Variants in MSI2 observed in about 807,000 individuals in gnomAD.
The protein encoded by MSI2 is musashi RNA binding protein 2.
A neutral mutation model predicts 45.6 loss-of-function variants in MSI2; 17 were observed. The ratio of observed to expected loss-of-function variants is 0.37; its 90% CI spans 0.26 to 0.56. The LOEUF is 0.56. MSI2 is among the 20% of genes least tolerant of loss of function. The pLI is 0.77. For synonymous variants in MSI2, 156 were observed against 158.2 expected, an observed-to-expected ratio of 0.99 and a Z score of 0.11; for missense variants, 293 against 444.2, an observed-to-expected ratio of 0.66 and a Z score of 3.06.
chr17:57,381,627 CTCATCTTAAT>C (rs1361761406), intron 5 of MSI2, among the ~76,000 whole-genome samples: 1 of 152,194 alleles, frequency 6.6e-6, no homozygotes. Flanking sequence ...GGAGGAAATG[CTCATCTTAAT>C]GCACGTGGGC....
At chr17:57,570,139 A>G (rs1001984862) in intron 7 of MSI2, among the ~76,000 whole-genome samples, 2 of 152,226 alleles carry the variant, frequency 1.3e-5, no homozygotes, top group Admixed American at 6.5e-5. Context: ...ATGACATAGT[A>G]TTGCACAAAA....
At chr17:57,587,405 C>G (rs1904399122) in intron 7 of MSI2, among the ~76,000 whole-genome samples, 1 of 152,224 alleles carries the variant, frequency 6.6e-6, no homozygotes, top group Non-Finnish European at 1.5e-5. Context: ...GAGAAATTGG[C>G]TCCCCTCTGG....
chr17:57,534,607 C>CG (rs34680792), intron 7 of MSI2, among the ~76,000 whole-genome samples: 37,365 of 152,022 alleles, frequency 0.25, 5,577 homozygotes, highest in East Asian at 0.46. Context: ...CCCAGCCACC[C>CG]GGGAGGCTGA....
intron 5 of MSI2, among the ~76,000 whole-genome samples, chr17:57,311,091 T>A (rs901911558): frequency 6.6e-6 from 1 of 152,232 alleles, no homozygotes; most frequent in African/African-American, 2.4e-5. Flanking sequence ...ATGCTCAATA[T>A]GTGGTGGCTC....
At position 57,323,041 on chromosome 17, in the gene MSI2, C is replaced by T. The variant is rs562428735; in HGVS notation, c.312+60849C>T. Among the ~76,000 whole-genome samples the T allele has an allele frequency of 5.3e-5, 8 of 151,802 alleles. No individual in the cohort carries two copies. In the South Asian group the frequency reaches 1.5e-3, roughly 28 times the overall value. ...GTGGGGGGAGAGGGACTGTGTTGGT[C>T]GTGAGTGACCCTGAGTGATGGGTAC... is the stretch of plus-strand genomic sequence containing the variant. On this transcript the variant is annotated intron_variant, in intron 5 of 13. Coordinates refer to ENST00000284073, the MANE Select transcript of MSI2 (RefSeq NM_138962.4).
At chr17:57,658,496 G>A (rs11652338) in intron 11 of MSI2, among the ~76,000 whole-genome samples, 1 of 152,058 alleles carries the variant, frequency 6.6e-6, no homozygotes, top group South Asian at 2.1e-4. Flanking sequence ...TAATAATGCT[G>A]ACAGCTGCCC....
chr17:57,391,262 G>A (rs1156678341), intron 5 of MSI2, among the ~76,000 whole-genome samples: 1 of 152,178 alleles, frequency 6.6e-6, no homozygotes, highest in East Asian at 1.9e-4. Flanking sequence ...TTGCGCTGGA[G>A]GAGACAGAAC....
chr17:57,553,372 C>G (rs1231262672), intron 7 of MSI2, among the ~76,000 whole-genome samples: 1 of 152,184 alleles, frequency 6.6e-6, no homozygotes, highest in Non-Finnish European at 1.5e-5. Context: ...TTCCTGGACC[C>G]CTAGCCAGGT....
In MSI2 at chr17:57,353,374, T is replaced by C. The variant is rs147328890; in HGVS notation, c.313-48005T>C. ...TTGGATGGAGGCTTGATTGATTCGA[T>C]GTGATTCCTTGGGTTTTCTTGGGGT... On this transcript the variant is annotated intron_variant, in intron 5 of 13. Coordinates refer to ENST00000284073, the MANE Select transcript of MSI2 (RefSeq NM_138962.4). Among the ~76,000 whole-genome samples, 48 of 152,288 alleles carry C rather than the reference T, an allele frequency of 3.2e-4. 2 individuals carry two copies. The East Asian group carries it at 8.9e-3, about 28-fold the overall frequency.
At chr17:57,497,299 C>T (rs1374016504) in intron 6 of MSI2, among the ~76,000 whole-genome samples, 1 of 152,192 alleles carries the variant, frequency 6.6e-6, no homozygotes, top group Non-Finnish European at 1.5e-5. Flanking sequence ...TTAAATGTGA[C>T]TTTTTCTGCC....
At chr17:57,537,815 G>A (rs1435897129) in intron 7 of MSI2, among the ~76,000 whole-genome samples, 4 of 152,174 alleles carry the variant, frequency 2.6e-5, no homozygotes, top group African/African-American at 4.8e-5. Context: ...CAGGGTGCCC[G>A]GGGCAAGAGG....
chr17:57,257,155 G>T lies in MSI2; in HGVS notation c.103+17G>T, dbSNP rs1046889303. 3.6e-6 allele frequency: 5 copies of T among 1,380,978 alleles called. No homozygotes were observed. The highest frequency in any genetic ancestry group is 1.2e-5 in the South Asian group (1 of 84,548). The allele number at this position is 1,380,978 out of a possible 1,614,324, so 85.5% of individuals were successfully genotyped here. On this transcript the variant is annotated intron_variant, in intron 2 of 13. Coordinates refer to ENST00000284073, the MANE Select transcript of MSI2 (RefSeq NM_138962.4). ...CCTCACCAGGTAAGGGAGGGAGGGG[G>T]GGACGCCTGGGTCCCCCCCTTCTTG...
At chr17:57,445,778 C>T (rs2084888424) in intron 6 of MSI2, among the ~76,000 whole-genome samples, 1 of 152,130 alleles carries the variant, frequency 6.6e-6, no homozygotes, top group Non-Finnish European at 1.5e-5. Flanking sequence ...CCGGAGGTGT[C>T]TCCCCGAATT....
chr17:57,496,188 C>T (rs1207579120), intron 6 of MSI2, among the ~76,000 whole-genome samples: 3 of 152,138 alleles, frequency 2.0e-5, no homozygotes, highest in East Asian at 1.9e-4. Context: ...AGTAGAAGTG[C>T]GGGAGGGCCA....
intron 5 of MSI2, among the ~76,000 whole-genome samples, chr17:57,380,604 T>A (rs966008232): frequency 6.6e-5 from 10 of 152,194 alleles, no homozygotes; most frequent in African/African-American, 2.4e-4. Context: ...TGAAATGTGC[T>A]GGACTAAAGG....
At chr17:57,443,323 C>T (rs936318869) in intron 6 of MSI2, among the ~76,000 whole-genome samples, 4 of 152,184 alleles carry the variant, frequency 2.6e-5, no homozygotes, top group African/African-American at 7.2e-5. Context: ...GCGTCTCCTC[C>T]GTTTGTGCCG....
At chr17:57,541,844 G>A (rs1482641171) in intron 7 of MSI2, among the ~76,000 whole-genome samples, 1 of 152,124 alleles carries the variant, frequency 6.6e-6, no homozygotes, top group East Asian at 1.9e-4. Context: ...CCCTCAACTT[G>A]CCACCCATCT....
At chr17:57,257,004 C>T in intron 1 of MSI2, 94 bp from the exon 2 acceptor site, 11 of 1,594,048 alleles carry the variant, frequency 6.9e-6, no homozygotes, top group Non-Finnish European at 9.4e-6. Flanking sequence ...CGCTCGCTCG[C>T]TCCCCCCCGC....
intron 7 of MSI2, among the ~76,000 whole-genome samples, chr17:57,579,785 C>T (rs890543234): frequency 2.6e-5 from 4 of 152,262 alleles, no homozygotes; most frequent in African/African-American, 7.2e-5. Context: ...TGCCAGGCTT[C>T]GGTGTACTCT....
Sources: allele counts gnomAD v4.1 joint callset (sites outside exome capture counted in the v4.1 genomes callset), GRCh38; gene constraint gnomAD v4.1.1; transcripts MANE v1.5; gene names NCBI Gene and HGNC (gene_info 2026-07-23, HGNC 2026-07-21).